The following ATP10B variants were observed in gnomAD, a reference collection of about 807,000 sequenced individuals.
ATP10B encodes phospholipid-transporting ATPase VB.
In ATP10B, 122 loss-of-function variants were observed where a neutral mutation model predicts 141.2. The observed-to-expected ratio is 0.86, with a 90% CI of 0.75 to 1.00. ATP10B has a LOEUF of 1.00. ATP10B is among the 50% of genes least tolerant of loss of function. The pLI is 0.00. For missense variants in ATP10B, 1,876 were observed against 1,825.3 expected (o/e 1.03, Z -0.51); for synonymous variants, 685 against 692.0 (o/e 0.99, Z 0.16).
At chr5:160,636,105 T>G (rs200772473) in intron 11 of ATP10B, 77 bp downstream of exon 11, 2 of 1,478,300 alleles carry the variant, frequency 1.4e-6, no homozygotes, top group Non-Finnish European at 1.8e-6. Context: ...CCAGCACTGT[T>G]TTTTCTTTAT....
the ATP10B span, among the ~76,000 whole-genome samples, chr5:160,890,602 G>C: frequency 2.4e-4 from 36 of 152,266 alleles, no homozygotes; most frequent in African/African-American, 8.2e-4. Context: ...CTCTGTAGCA[G>C]GCATCAGAAC....
intron 1 of ATP10B, among the ~76,000 whole-genome samples, chr5:160,801,419 G>T (rs758125692): frequency 2.0e-5 from 3 of 152,080 alleles, no homozygotes; most frequent in Non-Finnish European, 4.4e-5. Flanking sequence ...ACTGGGAGAT[G>T]TCTGATTTTT....
At chr5:160,904,158 G>T in the ATP10B span, among the ~76,000 whole-genome samples, 2 of 152,068 alleles carry the variant, frequency 1.3e-5, no homozygotes, top group African/African-American at 4.8e-5. Flanking sequence ...CACGAAGTTG[G>T]ATATGGTTTC....
chr5:160,581,427 A>AGGTTGTTCAGTTTCCATGT (rs1306302213), intron 24 of ATP10B, among the ~76,000 whole-genome samples: 1 of 152,214 alleles, frequency 6.6e-6, no homozygotes, highest in African/African-American at 2.4e-5. Context: ...ATTCAGGAGC[A>AGGTTGTTCAGTTTCCATGT]GGTTGTTCAG....
At position 160,640,492 on chromosome 5, in the gene ATP10B, G is replaced by A; in HGVS notation, c.969C>T (p.Ile323=). ...MNIDIFFCIG[I]LILMCLIGAV... ...CTCCAATAAGGCACATGAGGATGAG[G>A]ATCCCAATGCAGAAGAAGATGTCTA... Residue 323 remains isoleucine, a synonymous_variant, in exon 10 of 26, where the codon ATC becomes ATT. Coordinates refer to ENST00000327245, the MANE Select transcript of ATP10B (RefSeq NM_025153.3). 4 of 1,614,068 alleles carry A rather than the reference G, an allele frequency of 2.5e-6. No individual in the cohort carries two copies. Among genetic ancestry groups the A allele is most frequent in the Non-Finnish European group, 3.4e-6 (4 of 1,179,972 alleles).
At chr5:160,780,832 AATGTGTTAC>A in intron 2 of ATP10B, among the ~76,000 whole-genome samples, 1 of 152,280 alleles carries the variant, frequency 6.6e-6, no homozygotes, top group Middle Eastern at 3.4e-3. Context: ...TTTCATAGTA[AATGTGTTAC>A]ATGTGTTATA....
At chr5:160,912,931 A>G in the ATP10B span, among the ~76,000 whole-genome samples, 302 of 152,330 alleles carry the variant, frequency 2.0e-3, 1 homozygote, top group African/African-American at 6.9e-3. Flanking sequence ...ACTGCAAAGA[A>G]GAGAGAATGG....
intron 2 of ATP10B, among the ~76,000 whole-genome samples, chr5:160,764,844 A>G (rs1769289901): frequency 6.6e-6 from 1 of 152,224 alleles, no homozygotes; most frequent in African/African-American, 2.4e-5. Flanking sequence ...CCTAGATCTG[A>G]TAAATGAATT....
At chr5:160,602,738 A>G (rs1581184796) in intron 20 of ATP10B, 36 bp from the exon 21 acceptor site, 2 of 1,612,190 alleles carry the variant, frequency 1.2e-6, no homozygotes, top group East Asian at 4.5e-5. Flanking sequence ...GCTTCCATCC[A>G]TGGCTGCCAG....
At chr5:160,839,047 A>G (rs1775652006) in intron 1 of ATP10B, among the ~76,000 whole-genome samples, 1 of 152,186 alleles carries the variant, frequency 6.6e-6, no homozygotes, top group African/African-American at 2.4e-5. Flanking sequence ...AGGCCCCACC[A>G]GAAGCTGAGT....
chr5:160,607,416 A>G (rs1757456031), intron 18 of ATP10B, among the ~76,000 whole-genome samples: 1 of 152,210 alleles, frequency 6.6e-6, no homozygotes, highest in African/African-American at 2.4e-5. Context: ...TCATGCTGGT[A>G]TGGTGCTTTC....
chr5:160,797,940 GA>G (rs1279202549), intron 1 of ATP10B, among the ~76,000 whole-genome samples: 3 of 65,046 alleles, frequency 4.6e-5, no homozygotes, highest in Non-Finnish European at 6.6e-5. Flanking sequence ...GAAAAGAAAA[GA>G]AAAAAAGAAA....
intron 12 of ATP10B, 43 bp downstream of exon 12, chr5:160,634,311 T>C (rs769927439): frequency 6.2e-7 from 1 of 1,613,968 alleles, no homozygotes; most frequent in Admixed American, 1.7e-5. Flanking sequence ...AGCAGGGTAT[T>C]TCCTTTTAGA....
intron 1 of ATP10B, among the ~76,000 whole-genome samples, chr5:160,828,294 C>A (rs568886057): frequency 9.0e-4 from 137 of 152,154 alleles, no homozygotes; most frequent in African/African-American, 2.9e-3. Context: ...TGGGAGAAAA[C>A]TTTTGCAACC....
chr5:160,818,615 G>C (rs1268994922), intron 1 of ATP10B, among the ~76,000 whole-genome samples: 1 of 152,196 alleles, frequency 6.6e-6, no homozygotes, highest in Non-Finnish European at 1.5e-5. Flanking sequence ...TCTAGAACTA[G>C]AAATACCATT....
At chr5:160,874,288 C>T in the ATP10B span, among the ~76,000 whole-genome samples, 47 of 151,978 alleles carry the variant, frequency 3.1e-4, no homozygotes, top group African/African-American at 5.5e-4. Flanking sequence ...ACACCTCACA[C>T]GGCAGGGTAT....
intron 7 of ATP10B, among the ~76,000 whole-genome samples, chr5:160,656,508 A>G (rs1363196): frequency 0.88 from 133,271 of 152,270 alleles, 58,655 homozygotes; most frequent in African/African-American, 0.96. Flanking sequence ...AATGCTGTCT[A>G]TAGACAGAGT....
rs767798487 is a variant in ATP10B at position 160,670,614 on chromosome 5, A to G, written c.524T>C (p.Phe175Ser). ...AATCTCATTGCATTTCATTTGGATG[A>G]AGTCTCCCACGCGCACATCCTTCCA... Reference protein sequence around the residue: ...KCWKDVRVGDFIQMKCNEIVP... With the variant: ...KCWKDVRVGDSIQMKCNEIVP... The change falls in exon 7 of 26, where the codon TTC becomes TCC. Residue 175 changes from phenylalanine (F) to serine (S), a missense_variant. Transcript: ENST00000327245. 6.2e-7 allele frequency: 1 copy of G among 1,613,860 alleles called. No individual in the cohort carries two copies.
chr5:160,664,029 G>A (rs551312484), intron 7 of ATP10B, among the ~76,000 whole-genome samples: 3 of 152,256 alleles, frequency 2.0e-5, no homozygotes, highest in African/African-American at 2.4e-5. Flanking sequence ...GTTATCTGTT[G>A]TAATCTCTTC....
Sources: gnomAD v4.1 joint callset for allele counts (sites outside exome capture counted in the v4.1 genomes callset) on GRCh38, gnomAD v4.1.1 for gene constraint, MANE v1.5 for transcripts, NCBI Gene and HGNC (gene_info 2026-07-23, HGNC 2026-07-21) for gene names.